ESRRB: variants seen among roughly 807,000 people sequenced by gnomAD.
ESRRB encodes the protein steroid hormone receptor ERR2.
In ESRRB, 16 loss-of-function variants were observed where a neutral mutation model predicts 46.0. The observed-to-expected ratio is 0.35, with a 90% CI of 0.24 to 0.53. The LOEUF (loss-of-function observed/expected upper bound fraction) is 0.53, where lower values mean the gene tolerates loss of function less well. Ranked by LOEUF, ESRRB falls within the 20% of genes least tolerant of loss-of-function variation. ESRRB has a pLI of 0.93. For missense variants in ESRRB, 488 were observed against 607.4 expected, an observed-to-expected ratio of 0.80 and a Z score of 2.07; for synonymous variants, 246 against 259.6, an observed-to-expected ratio of 0.95 and a Z score of 0.50.
intron 1 of ESRRB, among the ~76,000 whole-genome samples, chr14:76,405,511 T>C (rs1886146312): frequency 6.6e-6 from 1 of 152,128 alleles, no homozygotes; most frequent in South Asian, 2.1e-4. Flanking sequence ...GTGGGTGGTT[T>C]ATCTTGGGCA....
At chr14:76,494,032 C>T (rs186617802) in intron 6 of ESRRB, among the ~76,000 whole-genome samples, 1 of 152,346 alleles carries the variant, frequency 6.6e-6, no homozygotes, top group Non-Finnish European at 1.5e-5. Context: ...TGCCTCCCCA[C>T]TTCCTTTCTC....
intron 5 of ESRRB, among the ~76,000 whole-genome samples, chr14:76,486,131 A>T (rs1349672346): frequency 5.3e-5 from 8 of 152,196 alleles, no homozygotes; most frequent in Non-Finnish European, 2.9e-5. Context: ...AAGTCTTCAG[A>T]GTGTCCATTT....
intron 1 of ESRRB, among the ~76,000 whole-genome samples, chr14:76,401,623 C>A (rs1342012773): frequency 1.3e-5 from 2 of 152,116 alleles, no homozygotes; most frequent in Non-Finnish European, 2.9e-5. Context: ...TATACACATA[C>A]CATTGTATTA....
chr14:76,409,360 G>A (rs1886334913), intron 1 of ESRRB, among the ~76,000 whole-genome samples: 1 of 152,158 alleles, frequency 6.6e-6, no homozygotes, highest in Non-Finnish European at 1.5e-5. Context: ...TTTGAAAGGA[G>A]AAAGAGCAGT....
At chr14:76,408,718 G>A (rs1456396176) in intron 1 of ESRRB, among the ~76,000 whole-genome samples, 1 of 152,074 alleles carries the variant, frequency 6.6e-6, no homozygotes, top group East Asian at 1.9e-4. Context: ...GGTGCTGGAG[G>A]AGCTAGGAGG....
upstream of ESRRB, among the ~76,000 whole-genome samples, chr14:76,370,928 AG>A (rs1657862667): frequency 6.6e-6 from 1 of 152,218 alleles, no homozygotes; most frequent in African/African-American, 2.4e-5. Flanking sequence ...CTTGAGGCTC[AG>A]AAAAAAGAAA....
intron 1 of ESRRB, among the ~76,000 whole-genome samples, chr14:76,433,954 G>A (rs1338167442): frequency 6.9e-6 from 1 of 144,316 alleles, no homozygotes; most frequent in Non-Finnish European, 1.5e-5. Context: ...CCTCTGTCCT[G>A]CCTTTACATT....
At chr14:76,450,179 G>A (rs576392306) in intron 2 of ESRRB, among the ~76,000 whole-genome samples, 2 of 152,114 alleles carry the variant, frequency 1.3e-5, no homozygotes, top group African/African-American at 4.8e-5. Flanking sequence ...ATTAGGGAAG[G>A]TTGTGCTAAT....
At chr14:76,318,033 G>A (rs1850492701) in intron 1 of ESRRB, among the ~76,000 whole-genome samples, 1 of 152,142 alleles carries the variant, frequency 6.6e-6, no homozygotes, top group South Asian at 2.1e-4. Context: ...CTAGGGGTTA[G>A]TGGAAAACTG....
At chr14:76,475,575 G>A (rs1002685821) in intron 3 of ESRRB, among the ~76,000 whole-genome samples, 3 of 152,100 alleles carry the variant, frequency 2.0e-5, no homozygotes, top group Non-Finnish European at 4.4e-5. Context: ...CGGACACTTG[G>A]GTTGTTTCCA....
rs546276787 is a variant in ESRRB, at chr14:76,487,106, G to A, written c.851-4341G>A. Among the ~76,000 whole-genome samples the A allele has an allele frequency of 5.9e-5, 9 of 152,320 alleles. No individual in the cohort carries two copies. In the East Asian group the frequency reaches 7.7e-4, roughly 13 times the overall value. On this transcript the variant is annotated intron_variant, in intron 5 of 6. Transcript: ENST00000644823. ...CACTGTGTGAGGTGTGTGTGTGGGT[G>A]GGGGTTGTGTATGTCCCCCAGTCCA...
At chr14:76,335,967 T>C (rs1884121995) in intron 1 of ESRRB, among the ~76,000 whole-genome samples, 1 of 152,112 alleles carries the variant, frequency 6.6e-6, no homozygotes, top group Non-Finnish European at 1.5e-5. Context: ...AAGGGGAAAA[T>C]GAGGCACAGG....
intron 1 of ESRRB, among the ~76,000 whole-genome samples, chr14:76,316,941 CT>C (rs1293449152): frequency 3.9e-5 from 6 of 152,206 alleles, no homozygotes; most frequent in Non-Finnish European, 8.8e-5. Flanking sequence ...CTTCCTCTAG[CT>C]GTTCAAACTC....
rs1338892133 is a variant in ESRRB at position 76,451,135 on chromosome 14, G to C, written c.460+11385G>C. Among the ~76,000 whole-genome samples the C allele has an allele frequency of 2.6e-5, 4 of 152,332 alleles. No individual in the cohort carries two copies. In the East Asian group the frequency reaches 7.7e-4, roughly 29 times the overall value. On this transcript the variant is annotated intron_variant, in intron 2 of 6. Coordinates refer to ENST00000644823, the MANE Select transcript of ESRRB (RefSeq NM_001379180.1). The stretch of plus-strand genomic sequence containing the variant: ...AAGGTAAACATGCTTGGCAGCAAGA[G>C]AGGAGGGGGCTCAGTGGTGGATGAT...
intron 1 of ESRRB, among the ~76,000 whole-genome samples, chr14:76,387,018 C>G (rs777287692): frequency 3.3e-5 from 5 of 152,100 alleles, no homozygotes; most frequent in African/African-American, 4.8e-5. Context: ...TACCCTTGCC[C>G]CACCCTGGAG....
upstream of ESRRB, among the ~76,000 whole-genome samples, chr14:76,374,539 A>G (rs973707331): frequency 3.3e-5 from 5 of 152,120 alleles, no homozygotes; most frequent in African/African-American, 9.7e-5. Flanking sequence ...TTGGATGTGC[A>G]TTTTACAAAT....
intron 1 of ESRRB, among the ~76,000 whole-genome samples, chr14:76,328,427 T>G (rs971298180): frequency 6.6e-6 from 1 of 152,182 alleles, no homozygotes; most frequent in Non-Finnish European, 1.5e-5. Flanking sequence ...TGGGGGACTC[T>G]ATCAATGCCC....
chr14:76,379,385 TA>T (rs56052112), intron 1 of ESRRB, among the ~76,000 whole-genome samples: 22,800 of 152,086 alleles, frequency 0.15, 1,977 homozygotes, highest in East Asian at 0.24. Flanking sequence ...TTGCTGTTGT[TA>T]AAGAAACAAA....
rs1884063357 is a variant in ESRRB at position 76,333,071 on chromosome 14, T to TAATATATAA, written c.2+22155_2+22156insAATATATAA. On this transcript the variant is annotated intron_variant, in intron 1 of 6. Coordinates refer to the ESRRB transcript ENST00000512784. ...TATATTATATATTATATATTATATATTATATATATTATTTATATTATATAT... is the reference window on the plus strand; with the variant it reads ...TATATTATATATTATATATTATATATAATATATAATATATATATTATTTATATTATATAT... Among the ~76,000 whole-genome samples, 17 of 9,494 alleles carry TAATATATAA rather than the reference T, an allele frequency of 1.8e-3. 4 individuals are homozygous for TAATATATAA. Among genetic ancestry groups the TAATATATAA allele is most frequent in the African/African-American group, 2.7e-3 (8 of 2,938 alleles). The allele number at this position is 9,494 out of a possible 152,430, so 6.2% of individuals were successfully genotyped here.
Sources: gnomAD v4.1 joint callset for allele counts (sites outside exome capture counted in the v4.1 genomes callset) on GRCh38, gnomAD v4.1.1 for gene constraint, MANE v1.5 for transcripts, NCBI Gene and HGNC (gene_info 2026-07-23, HGNC 2026-07-21) for gene names.